STARD7: variants seen among roughly 807,000 people sequenced by gnomAD.
STARD7 encodes the protein StAR related lipid transfer domain containing 7, also known as stAR-related lipid transfer protein 7, mitochondrial.
A neutral mutation model predicts 45.3 loss-of-function variants in STARD7; 30 were observed. That is an observed-to-expected ratio of 0.66 (90% CI 0.50 to 0.90). STARD7 has a LOEUF of 0.90. STARD7 is among the 40% of genes least tolerant of loss of function. The pLI, the probability that STARD7 is intolerant of heterozygous loss-of-function variation, is 0.00. For missense variants in STARD7, 495 were observed against 491.3 expected (o/e 1.01, Z -0.07); for synonymous variants, 199 against 183.0 (o/e 1.09, Z -0.70).
intron 2 of STARD7, 87 bp from the exon 3 acceptor site, chr2:96,195,094 A>C (rs1683182025): frequency 8.4e-7 from 1 of 1,184,964 alleles, no homozygotes; most frequent in African/African-American, 1.5e-5. Context: ...TCAGATCTAA[A>C]GTACTAAGAG....
At chr2:96,201,964 T>C (rs181031418) in intron 1 of STARD7, among the ~76,000 whole-genome samples, 24 of 152,350 alleles carry the variant, frequency 1.6e-4, no homozygotes, top group Admixed American at 1.4e-3. Flanking sequence ...TATTTTATTT[T>C]ACCTTTAAAG....
intron 6 of STARD7, among the ~76,000 whole-genome samples, chr2:96,190,231 A>C (rs1317164226): frequency 6.6e-6 from 1 of 152,200 alleles, no homozygotes. Flanking sequence ...GTCATGTCAA[A>C]GGGGCTTGAG....
chr2:96,188,380 A>C (rs1385566110), intron 6 of STARD7, among the ~76,000 whole-genome samples: 1 of 137,644 alleles, frequency 7.3e-6, no homozygotes, highest in Non-Finnish European at 1.5e-5. Flanking sequence ...AGTTCAAGTG[A>C]TTCTCCTGCC....
intron 6 of STARD7, 38 bp downstream of exon 6, chr2:96,192,331 G>A (rs192956337): frequency 1.2e-5 from 17 of 1,471,730 alleles, no homozygotes; most frequent in Non-Finnish European, 1.5e-5. Context: ...AAATTCCACA[G>A]CCATGACATG....
At position 96,204,749 on chromosome 2, in the gene STARD7, CA is replaced by C. The variant is rs397959036; in HGVS notation, c.290+3395del. On this transcript the variant is annotated intron_variant, in intron 1 of 7. Transcript: ENST00000337288. ...TAAGATACCCTGAAGTGACAATGGC[CA>C]AAAAAAAAAAAAAAAGTTCCTTTAA... Among the ~76,000 whole-genome samples, 709 of 96,024 alleles carry C rather than the reference CA, an allele frequency of 7.4e-3. 5 individuals are homozygous for C. The highest frequency in any genetic ancestry group is 0.011 in the African/African-American group (294 of 25,664). The allele number at this position is 96,024 out of a possible 152,430, so 63.0% of individuals were successfully genotyped here. A position where few individuals can be genotyped will look rare whatever the true frequency, so the allele number is the denominator to read the frequency against.
At chr2:96,200,985 CA>C (rs1223299820) in intron 1 of STARD7, among the ~76,000 whole-genome samples, 3 of 152,144 alleles carry the variant, frequency 2.0e-5, no homozygotes, top group Non-Finnish European at 4.4e-5. Context: ...CTTCAAGCTT[CA>C]AAAAACCACA....
chr2:96,188,190 C>T (rs1430850236), intron 6 of STARD7: 2 of 139,210 alleles, frequency 1.4e-5, no homozygotes, highest in African/African-American at 5.4e-5. Flanking sequence ...GCAGGAGAAT[C>T]GTTTGAACCG....
Position 96,208,734 on chromosome 2 carries a change from G to A in STARD7, c.-300C>T. 4.9e-6 allele frequency: 2 copies of A among 409,292 alleles called. No individual in the cohort carries two copies. Among genetic ancestry groups the A allele is most frequent in the Non-Finnish European group, 8.6e-6 (2 of 231,424 alleles). 25.4% of individuals were successfully genotyped at this position (409,292 alleles called of 1,614,324 possible). A position where few individuals can be genotyped will look rare whatever the true frequency, so the allele number is the denominator to read the frequency against. ...GGCTCCTCGGCGACCTCCAGCGGGC[G>A]CCCGGGGCCGGGATGCAGGGCGCGC... On this transcript the variant is annotated 5_prime_UTR_variant, in exon 1 of 8. Transcript: ENST00000337288.
In STARD7 at chr2:96,208,374, C is replaced by A. The variant is rs755001755; in HGVS notation, c.61G>T (p.Ala21Ser). The A allele has an allele frequency of 1.3e-6, 2 of 1,521,530 alleles. No individual in the cohort carries two copies. The highest frequency in any genetic ancestry group is 1.4e-5 in the African/African-American group (1 of 69,678). The allele number at this position is 1,521,530 out of a possible 1,614,324, so 94.3% of individuals were successfully genotyped here. A position where few individuals can be genotyped will look rare whatever the true frequency, so the allele number is the denominator to read the frequency against. Residue 21 changes from alanine to serine, a missense_variant, in exon 1 of 8, where the codon GCG (alanine) becomes TCG (serine). Physicochemically the swap from Ala to Ser is moderately conservative, Grantham distance 99. Around this residue, in one of 2 missense-constraint regions of STARD7, gnomAD observed 282 missense variants for 220.1 expected, o/e 1.28. Coordinates refer to ENST00000337288, the MANE Select transcript of STARD7 (RefSeq NM_020151.4). ...LAGTRGGGLL[A>S]LLANQCRFVT... ...AAGCGGCACTGATTGGCCAGAAGCGCCAGCAGGCCCCCGCCCCGCGTCCCC... is the reference window on the plus strand; with the variant it reads ...AAGCGGCACTGATTGGCCAGAAGCGACAGCAGGCCCCCGCCCCGCGTCCCC...
In STARD7 at chr2:96,208,315, C is replaced by G; in HGVS notation, c.120G>C (p.Gln40His). The G allele has an allele frequency of 6.2e-7, 1 of 1,606,926 alleles. No individual in the cohort carries two copies. The change falls in exon 1 of 8, where the codon CAG becomes CAC. Residue 40 changes from glutamine to histidine, a missense_variant. Transcript: ENST00000337288. The stretch of plus-strand genomic sequence containing the variant: ...AGAGGCGGCCGTAGAGCTGCGCGAT[C>G]TGCTGCGCGCGCCGCACGCGCAGGC... ...VTGLRVRRAQ[Q>H]IAQLYGRLYS...
intron 1 of STARD7, among the ~76,000 whole-genome samples, chr2:96,202,463 TAGAG>T (rs1683321399): frequency 6.6e-6 from 1 of 152,018 alleles, no homozygotes; most frequent in Non-Finnish European, 1.5e-5. Context: ...TGCAAAACCA[TAGAG>T]AAACAGAGAA....
At chr2:96,204,378 C>A (rs1256494901) in intron 1 of STARD7, among the ~76,000 whole-genome samples, 13 of 152,084 alleles carry the variant, frequency 8.5e-5, no homozygotes, top group Non-Finnish European at 4.4e-5. Flanking sequence ...CATGGTGAAA[C>A]CCCATCTCTA....
At chr2:96,190,335 C>CTTTTTTTTT (rs1253428303) in intron 6 of STARD7, among the ~76,000 whole-genome samples, 1 of 131,724 alleles carries the variant, frequency 7.6e-6, no homozygotes. Context: ...AAGTCTGTGT[C>CTTTTTTTTT]TTTTTTTTTT....
intron 1 of STARD7, among the ~76,000 whole-genome samples, chr2:96,201,031 T>G (rs1182089443): frequency 6.6e-6 from 1 of 152,210 alleles, no homozygotes; most frequent in East Asian, 1.9e-4. Context: ...CCATACACAC[T>G]GATTTTTATT....
In STARD7 at chr2:96,200,820, C is replaced by T. The variant is rs540360824; in HGVS notation, c.291-5271G>A. Reference sequence around the variant, plus strand: ...CGTGTGCTACCATACCCAGCTTCTCCGTGCCCTCCACCTCACCCTACCCCC... The same window carrying T: ...CGTGTGCTACCATACCCAGCTTCTCTGTGCCCTCCACCTCACCCTACCCCC... On this transcript the variant is annotated intron_variant, in intron 1 of 7. Coordinates refer to ENST00000337288, the MANE Select transcript of STARD7 (RefSeq NM_020151.4). Among the ~76,000 whole-genome samples, 38 of 152,200 alleles carry T rather than the reference C, an allele frequency of 2.5e-4. No individual in the cohort carries two copies. The Middle Eastern group carries it at 0.014, about 54-fold the overall frequency.
intron 1 of STARD7, among the ~76,000 whole-genome samples, chr2:96,201,086 C>G (rs1189139921): frequency 6.6e-6 from 1 of 152,136 alleles, no homozygotes; most frequent in African/African-American, 2.4e-5. Flanking sequence ...ATCTTTATAT[C>G]TGCTTTCCTT....
chr2:96,195,308 A>G (rs746811920), intron 2 of STARD7, 33 bp downstream of exon 2: 5 of 1,525,178 alleles, frequency 3.3e-6, no homozygotes, highest in South Asian at 2.4e-5. Context: ...CTGTGCAACT[A>G]TGGAACCCAA....
At chr2:96,187,484 T>G (rs1683054907) in intron 6 of STARD7, 183 bp from the exon 7 acceptor site, 2 of 532,160 alleles carry the variant, frequency 3.8e-6, no homozygotes, top group East Asian at 6.4e-5. Flanking sequence ...AAGGTCTCCT[T>G]GCAATGTTGA....
Position 96,197,114 on chromosome 2 carries a change from AAT to A in STARD7, c.291-1567_291-1566del, listed in dbSNP as rs1558735912. ...AATAAAATAAAATAAAATAAAATAA[AAT>A]AAAATAAAGCCAAGCACAACGGCTC... On this transcript the variant is annotated intron_variant, in intron 1 of 7. Transcript: ENST00000337288. Among the ~76,000 whole-genome samples the A allele has an allele frequency of 2.6e-4, 37 of 144,328 alleles. No homozygotes were observed. In the East Asian group the frequency reaches 3.5e-3, roughly 14 times the overall value. The allele number at this position is 144,328 out of a possible 152,430, so 94.7% of individuals were successfully genotyped here.
Sources: allele counts gnomAD v4.1 joint callset (sites outside exome capture counted in the v4.1 genomes callset), GRCh38; gene constraint gnomAD v4.1.1; regional missense constraint gnomAD v4.1.1; transcripts MANE v1.5; gene names NCBI Gene and HGNC (gene_info 2026-07-23, HGNC 2026-07-21).